Variants in HHAT observed in about 807,000 individuals in gnomAD.
HHAT encodes the protein protein-cysteine N-palmitoyltransferase HHAT.
In HHAT, 47 loss-of-function variants were observed where a neutral mutation model predicts 70.8. The observed-to-expected ratio is 0.66, with a 90% CI of 0.53 to 0.85. The LOEUF is 0.85. Among genes scored for constraint, HHAT ranks in the 40% least tolerant of loss-of-function variants. The pLI is 0.00. For missense variants in HHAT, 609 were observed against 604.8 expected (o/e 1.01, Z -0.07); for synonymous variants, 228 against 247.6 (o/e 0.92, Z 0.74).
chr1:210,570,846 A>C (rs1220050987), intron 9 of HHAT, among the ~76,000 whole-genome samples: 2 of 152,190 alleles, frequency 1.3e-5, no homozygotes, highest in Non-Finnish European at 2.9e-5. Flanking sequence ...TATTGGCCCC[A>C]CAGGTGAACT....
chr1:210,362,546 C>T (rs1239177655), intron 2 of HHAT, among the ~76,000 whole-genome samples: 1 of 152,208 alleles, frequency 6.6e-6, no homozygotes, highest in Non-Finnish European at 1.5e-5. Flanking sequence ...ACAGCGTGTG[C>T]ACATGGGCCA....
At chr1:210,434,556 T>G (rs1279100455) in intron 7 of HHAT, among the ~76,000 whole-genome samples, 2 of 151,734 alleles carry the variant, frequency 1.3e-5, no homozygotes, top group Non-Finnish European at 2.9e-5. Context: ...ACACACACTA[T>G]CTCTTATACA....
intron 9 of HHAT, among the ~76,000 whole-genome samples, chr1:210,551,956 A>G (rs892186378): frequency 6.6e-6 from 1 of 152,240 alleles, no homozygotes; most frequent in African/African-American, 2.4e-5. Context: ...AGATTGGAAC[A>G]TGAGCTTTCC....
chr1:210,387,474 A>C lies in HHAT; in HGVS notation c.166A>C (p.Thr56Pro). The C allele has an allele frequency of 6.2e-7, 1 of 1,613,992 alleles. No homozygotes were observed. The highest frequency in any genetic ancestry group is 8.5e-7 in the Non-Finnish European group (1 of 1,179,888). ...TLFGGLKKDATDFEWSFWMEW... is the reference protein window; with the variant it reads ...TLFGGLKKDAPDFEWSFWMEW... ...ACTATTTTGTCCTATTTAGGATGCG[A>C]CCGACTTTGAGTGGAGCTTCTGGAT... Residue 56 changes from threonine to proline, a missense_variant, in exon 4 of 12, where the codon ACC (threonine) becomes CCC (proline). Coordinates refer to ENST00000261458, the MANE Select transcript of HHAT (RefSeq NM_018194.6).
At chr1:210,554,628 C>A (rs1279780895) in intron 9 of HHAT, among the ~76,000 whole-genome samples, 1 of 152,076 alleles carries the variant, frequency 6.6e-6, no homozygotes, top group African/African-American at 2.4e-5. Context: ...TCAGCTTAAG[C>A]CCGTAAAAGT....
intron 9 of HHAT, among the ~76,000 whole-genome samples, chr1:210,534,302 C>T (rs2095347231): frequency 6.6e-6 from 1 of 152,112 alleles, no homozygotes; most frequent in African/African-American, 2.4e-5. Context: ...TTTGTACACT[C>T]CTGTTATATT....
At chr1:210,392,628 A>G (rs1258290296) in intron 4 of HHAT, among the ~76,000 whole-genome samples, 1 of 152,178 alleles carries the variant, frequency 6.6e-6, no homozygotes, top group Non-Finnish European at 1.5e-5. Flanking sequence ...TATTAAAAAA[A>G]TAATAGAGAT....
intron 4 of HHAT, among the ~76,000 whole-genome samples, chr1:210,400,035 C>T (rs2091988187): frequency 6.6e-6 from 1 of 152,174 alleles, no homozygotes; most frequent in Non-Finnish European, 1.5e-5. Context: ...AATAGGTCTT[C>T]CTAGAAATGT....
At chr1:210,348,908 T>C in intron 1 of HHAT, 25 bp from the exon 2 acceptor site, 1 of 1,593,410 alleles carries the variant, frequency 6.3e-7, no homozygotes, top group Non-Finnish European at 8.5e-7. Flanking sequence ...TGTTCATGGC[T>C]TAAAGTTTTG....
chr1:210,633,072 C>T (rs145019617), intron 11 of HHAT, among the ~76,000 whole-genome samples: 25 of 152,330 alleles, frequency 1.6e-4, no homozygotes, highest in Non-Finnish European at 3.4e-4. Context: ...CACTAAATTT[C>T]TGTGGTTCTA....
chr1:210,630,160 T>A (rs1670595560), intron 11 of HHAT, among the ~76,000 whole-genome samples: 1 of 152,192 alleles, frequency 6.6e-6, no homozygotes, highest in Non-Finnish European at 1.5e-5. Context: ...GTCTCTCTTA[T>A]AATGACCTTT....
At chr1:210,403,362 C>T (rs2092170753) in intron 5 of HHAT, among the ~76,000 whole-genome samples, 1 of 152,162 alleles carries the variant, frequency 6.6e-6, no homozygotes, top group Non-Finnish European at 1.5e-5. Context: ...GAATCTAATT[C>T]CATTTATCAT....
intron 9 of HHAT, among the ~76,000 whole-genome samples, chr1:210,549,044 T>C (rs2095506850): frequency 6.6e-6 from 1 of 152,236 alleles, no homozygotes; most frequent in African/African-American, 2.4e-5. Flanking sequence ...CCAGCTTCCA[T>C]TCTTGGCTCT....
At chr1:210,394,634 C>T (rs186637890) in intron 4 of HHAT, among the ~76,000 whole-genome samples, 104 of 152,228 alleles carry the variant, frequency 6.8e-4, no homozygotes, top group African/African-American at 2.1e-3. Flanking sequence ...GTGCCTCTGA[C>T]GGGAGAACCC....
intron 7 of HHAT, among the ~76,000 whole-genome samples, chr1:210,449,183 C>A (rs742563): frequency 0.73 from 110,681 of 151,994 alleles, 40,495 homozygotes; most frequent in South Asian, 0.78. Context: ...CCATGTCTGA[C>A]ACTCAGACTC....
At chr1:210,390,027 T>G (rs2148153078) in intron 4 of HHAT, among the ~76,000 whole-genome samples, 1 of 152,168 alleles carries the variant, frequency 6.6e-6, no homozygotes, top group South Asian at 2.1e-4. Context: ...ATTTCATCCT[T>G]AAAAGTAAAG....
intron 7 of HHAT, among the ~76,000 whole-genome samples, chr1:210,431,182 A>T (rs2093231645): frequency 6.6e-6 from 1 of 151,760 alleles, no homozygotes; most frequent in African/African-American, 2.4e-5. Context: ...GTGCTGCTTA[A>T]ATTTCTGGCT....
At chr1:210,376,438 T>C (rs75365569) in intron 3 of HHAT, among the ~76,000 whole-genome samples, 2,118 of 152,282 alleles carry the variant, frequency 0.014, 63 homozygotes, top group African/African-American at 0.048. Context: ...GTGTACTATA[T>C]CTTGTCTGAA....
chr1:210,491,489 A>G (rs1558013516), intron 8 of HHAT, among the ~76,000 whole-genome samples: 1 of 152,184 alleles, frequency 6.6e-6, no homozygotes, highest in African/African-American at 2.4e-5. Flanking sequence ...TCTACTTACC[A>G]GCGGAGAACC....
Sources: allele counts gnomAD v4.1 joint callset (sites outside exome capture counted in the v4.1 genomes callset), GRCh38; gene constraint gnomAD v4.1.1; transcripts MANE v1.5; gene names NCBI Gene and HGNC (gene_info 2026-07-23, HGNC 2026-07-21).